The following PRKG1 variants were observed in gnomAD, a reference collection of about 807,000 sequenced individuals.
PRKG1 encodes protein kinase cGMP-dependent 1.
In PRKG1, 35 loss-of-function variants were observed where a neutral mutation model predicts 88.1. The observed-to-expected ratio is 0.40, with a 90% confidence interval of 0.30 to 0.53. The LOEUF (loss-of-function observed/expected upper bound fraction) is 0.53. PRKG1 is among the 20% of genes least tolerant of loss of function. The pLI, the probability that PRKG1 is intolerant of heterozygous loss-of-function variation, is 0.59. For synonymous variants in PRKG1, 303 were observed against 292.5 expected, an observed-to-expected ratio of 1.04 and a Z score of -0.37; for missense variants, 540 against 839.8, an observed-to-expected ratio of 0.64 and a Z score of 4.41.
At chr10:51,463,393 C>A (rs1839796478) in intron 2 of PRKG1, among the ~76,000 whole-genome samples, 1 of 152,100 alleles carries the variant, frequency 6.6e-6, no homozygotes, top group East Asian at 1.9e-4. Flanking sequence ...TTTGTTTTAC[C>A]CTCTTTGCCA....
At chr10:51,688,403 G>C (rs1841047826) in intron 3 of PRKG1, among the ~76,000 whole-genome samples, 1 of 152,088 alleles carries the variant, frequency 6.6e-6, no homozygotes, top group Non-Finnish European at 1.5e-5. Flanking sequence ...TGGCAGGCTG[G>C]TGTCTCTCCT....
intron 7 of PRKG1, among the ~76,000 whole-genome samples, chr10:52,070,935 T>C (rs895056280): frequency 6.6e-6 from 1 of 152,198 alleles, no homozygotes; most frequent in Non-Finnish European, 1.5e-5. Context: ...ATCTTGTTGA[T>C]GTTCATCTCT....
intron 1 of PRKG1, among the ~76,000 whole-genome samples, chr10:51,011,524 A>G (rs976704827): frequency 2.6e-5 from 4 of 152,226 alleles, no homozygotes; most frequent in African/African-American, 9.6e-5. Context: ...ATTTTTGAAA[A>G]GATTTAGGAT....
intron 2 of PRKG1, among the ~76,000 whole-genome samples, chr10:51,250,111 T>C (rs891001438): frequency 2.0e-5 from 3 of 151,724 alleles, no homozygotes; most frequent in Non-Finnish European, 3.0e-5. Context: ...ATTGCAGGGT[T>C]GCTGTGGTTT....
chr10:52,232,146 T>G (rs1840539724), intron 9 of PRKG1, among the ~76,000 whole-genome samples: 1 of 151,822 alleles, frequency 6.6e-6, no homozygotes, highest in Admixed American at 6.6e-5. Flanking sequence ...CTACTAAAAA[T>G]ACAAAAATTA....
intron 9 of PRKG1, among the ~76,000 whole-genome samples, chr10:52,228,980 T>G (rs1194517): frequency 0.94 from 143,410 of 152,282 alleles, 68,091 homozygotes; most frequent in East Asian, 1. Flanking sequence ...ATCCTCAAGT[T>G]ATATTAATTG....
At chr10:51,113,813 A>T (rs894734577) in intron 1 of PRKG1, among the ~76,000 whole-genome samples, 4 of 151,946 alleles carry the variant, frequency 2.6e-5, no homozygotes, top group African/African-American at 9.7e-5. Flanking sequence ...ACATAACTCA[A>T]TTCCATTGAA....
intron 4 of PRKG1, among the ~76,000 whole-genome samples, chr10:51,807,095 G>C (rs1839327486): frequency 6.6e-6 from 1 of 152,136 alleles, no homozygotes; most frequent in Non-Finnish European, 1.5e-5. Flanking sequence ...TAGACTATAA[G>C]CTGTTTAGAA....
chr10:51,068,111 C>A (rs1843777764), intron 1 of PRKG1, among the ~76,000 whole-genome samples: 1 of 152,032 alleles, frequency 6.6e-6, no homozygotes, highest in South Asian at 2.1e-4. Context: ...GTGGCAATAT[C>A]TTGGCCCTGG....
rs1331250852 is a variant in PRKG1 at position 51,093,799 on chromosome 10, TATAC to T, written c.311+18900_311+18903del. Among the ~76,000 whole-genome samples, 897 of 127,726 alleles carry T rather than the reference TATAC, an allele frequency of 7.0e-3. 7 individuals are homozygous for T. The highest frequency in any genetic ancestry group is 0.033 in the East Asian group (154 of 4,738). 83.8% of individuals were successfully genotyped at this position (127,726 alleles called of 152,430 possible). On this transcript the variant is annotated intron_variant, in intron 1 of 17. Transcript: ENST00000373980. ...CATATATATGTATTTTATATATATA[TATAC>T]ACACACACACACACACACACACACA...
chr10:51,411,240 A>G (rs1838078266), intron 2 of PRKG1, among the ~76,000 whole-genome samples: 1 of 152,164 alleles, frequency 6.6e-6, no homozygotes, highest in Non-Finnish European at 1.5e-5. Context: ...ACCTCAAGTG[A>G]TCAGCCTACC....
At chr10:51,989,965 CT>C (rs1844260637) in intron 5 of PRKG1, among the ~76,000 whole-genome samples, 1 of 151,876 alleles carries the variant, frequency 6.6e-6, no homozygotes, top group South Asian at 2.1e-4. Context: ...TCTTTAATCC[CT>C]TTTAAGTTGT....
At chr10:51,521,411 C>T (rs1841733609) in intron 3 of PRKG1, among the ~76,000 whole-genome samples, 1 of 152,252 alleles carries the variant, frequency 6.6e-6, no homozygotes, top group African/African-American at 2.4e-5. Context: ...TGCCTTTCAA[C>T]CCTGTGATTT....
rs76686821 is a variant in PRKG1 at position 52,008,854 on chromosome 10, C to T, written c.763-45630C>T. ...TCACCATGATCAAGTAGGCTTTATC[C>T]TTGGGATGCATGTTTGGTTCAACAT... On this transcript the variant is annotated intron_variant, in intron 5 of 17. Coordinates refer to ENST00000373980, the MANE Select transcript of PRKG1 (RefSeq NM_006258.4). Among the ~76,000 whole-genome samples the T allele has an allele frequency of 8.5e-3, 1,290 of 152,200 alleles. 26 individuals carry two copies. The highest frequency in any genetic ancestry group is 0.03 in the African/African-American group (1,230 of 41,550).
chr10:51,584,893 T>C (rs1488717407), intron 3 of PRKG1, among the ~76,000 whole-genome samples: 1 of 152,098 alleles, frequency 6.6e-6, no homozygotes, highest in Non-Finnish European at 1.5e-5. Context: ...AACTCTATAA[T>C]AGCAATTCAG....
At chr10:51,149,343 C>G (rs1463134218) in intron 1 of PRKG1, among the ~76,000 whole-genome samples, 1 of 151,986 alleles carries the variant, frequency 6.6e-6, no homozygotes, top group African/African-American at 2.4e-5. Flanking sequence ...TAATGGGGGC[C>G]TATTTATTAA....
chr10:51,208,456 C>T (rs1417426038), intron 2 of PRKG1, among the ~76,000 whole-genome samples: 1 of 152,128 alleles, frequency 6.6e-6, no homozygotes, highest in Non-Finnish European at 1.5e-5. Flanking sequence ...GTAAGCACAG[C>T]CCCATTGTTA....
At chr10:51,745,853 A>G (rs1837562609) in intron 3 of PRKG1, among the ~76,000 whole-genome samples, 1 of 152,068 alleles carries the variant, frequency 6.6e-6, no homozygotes, top group South Asian at 2.1e-4. Flanking sequence ...TACTAAAAAT[A>G]CAAAAAAATA....
chr10:52,047,498 C>A (rs1440915230), intron 5 of PRKG1, among the ~76,000 whole-genome samples: 6 of 152,054 alleles, frequency 3.9e-5, no homozygotes, highest in Non-Finnish European at 4.4e-5. Flanking sequence ...CCTTATATTC[C>A]AAACCACCAA....
Sources: gnomAD v4.1 joint callset for allele counts (sites outside exome capture counted in the v4.1 genomes callset) on GRCh38, gnomAD v4.1.1 for gene constraint, MANE v1.5 for transcripts, NCBI Gene and HGNC (gene_info 2026-07-23, HGNC 2026-07-21) for gene names.